Variants in CHD1 observed in about 807,000 individuals in gnomAD.
CHD1 encodes ATP-dependent chromatin remodeler CHD1.
CHD1 carries 36 observed loss-of-function variants against 224.2 expected under a neutral mutation model. The ratio of observed to expected loss-of-function variants is 0.16; its 90% CI spans 0.12 to 0.21. The LOEUF (loss-of-function observed/expected upper bound fraction) is 0.21, where lower values mean the gene tolerates loss of function less well. Ranked by LOEUF, CHD1 falls within the 10% of genes least tolerant of loss-of-function variation. The pLI, the probability that CHD1 is intolerant of heterozygous loss-of-function variation, is 1.00. For synonymous variants in CHD1, 668 were observed against 658.3 expected (o/e 1.01, Z -0.23); for missense variants, 1,378 against 1,994.8 (o/e 0.69, Z 5.89).
chr5:98,901,014 T>A lies in CHD1; in HGVS notation c.656A>T (p.Asp219Val). ...KKRQIDSSEE[D>V]DDEEDYDNDK... ...ATTATCATAATCTTCTTCATCATCA[T>A]CCTCCTCAGATGAATCAATCTGTCT... The change falls in exon 7 of 36, where the codon GAT (aspartate) becomes GTT (valine). Residue 219 changes from aspartate (D) to valine (V), a missense_variant. This residue lies in a region of CHD1 where 306 missense variants were observed against 298.1 expected (regional missense o/e 1.03). Transcript: ENST00000614616. 3 of 1,613,644 alleles carry A rather than the reference T, an allele frequency of 1.9e-6. No homozygotes were observed. The highest frequency in any genetic ancestry group is 2.5e-6 in the Non-Finnish European group (3 of 1,179,702).
At chr5:98,867,803 T>TTG (rs1012394365) in intron 31 of CHD1, among the ~76,000 whole-genome samples, 15 of 146,612 alleles carry the variant, frequency 1.0e-4, no homozygotes, top group African/African-American at 3.8e-4. Flanking sequence ...TTGTTTTTTT[T>TTG]TTTTTTTTTT....
intron 35 of CHD1, 93 bp from the exon 36 acceptor site, chr5:98,856,818 A>G (rs1748068859): frequency 1.2e-6 from 1 of 825,500 alleles, no homozygotes; most frequent in Non-Finnish European, 1.9e-6. Context: ...ATACCTTAAA[A>G]CATGTTTTTA....
chr5:98,912,017 A>G (rs1752455474), intron 2 of CHD1, among the ~76,000 whole-genome samples: 1 of 152,142 alleles, frequency 6.6e-6, no homozygotes, highest in Admixed American at 6.5e-5. Context: ...TACTTTTTTT[A>G]TTCTAAAATA....
At chr5:98,871,692 G>A (rs191906022) in intron 28 of CHD1, among the ~76,000 whole-genome samples, 146 of 152,046 alleles carry the variant, frequency 9.6e-4, no homozygotes, top group African/African-American at 3.2e-3. Flanking sequence ...TACCCTGATT[G>A]CATCTTTATA....
chr5:98,897,551 G>A (rs1461227427), intron 10 of CHD1, among the ~76,000 whole-genome samples: 3 of 152,002 alleles, frequency 2.0e-5, no homozygotes, highest in Non-Finnish European at 4.4e-5. Flanking sequence ...AATGTATAGA[G>A]AAAATTAACT....
At chr5:98,866,195 G>C (rs568670580) in intron 31 of CHD1, among the ~76,000 whole-genome samples, 1 of 148,564 alleles carries the variant, frequency 6.7e-6, no homozygotes, top group Admixed American at 6.7e-5. Context: ...AACCTGCAGA[G>C]GAGATAAAAA....
chr5:98,926,812 A>G (rs968473775), intron 1 of CHD1, among the ~76,000 whole-genome samples: 2 of 151,956 alleles, frequency 1.3e-5, no homozygotes, highest in Non-Finnish European at 2.9e-5. Flanking sequence ...TGCAACTAAC[A>G]ATGTTTTTAT....
chr5:98,928,013 T>C (rs1753595341), intron 1 of CHD1, among the ~76,000 whole-genome samples: 1 of 152,068 alleles, frequency 6.6e-6, no homozygotes, highest in East Asian at 1.9e-4. Context: ...TCGAAAGAGG[T>C]TTGGAAACCA....
chr5:98,877,617 T>C (rs1170463156), intron 23 of CHD1, among the ~76,000 whole-genome samples: 2 of 152,218 alleles, frequency 1.3e-5, no homozygotes, highest in Non-Finnish European at 2.9e-5. Flanking sequence ...CCTTGGCACA[T>C]ATTCCGAACC....
chr5:98,887,601 TAGA>T (rs1471509826), intron 17 of CHD1, among the ~76,000 whole-genome samples: 5 of 152,152 alleles, frequency 3.3e-5, no homozygotes, highest in African/African-American at 1.2e-4. Flanking sequence ...AAATTTTGAA[TAGA>T]TGGAAGGGAA....
Position 98,894,593 on chromosome 5 carries a change from A to G in CHD1, c.1800+4T>C. ...ACCAAAACACGTGAGAAATAAATACATACCTTATCTTTTAATAAAATTTCA... is the reference window on the plus strand; with the variant it reads ...ACCAAAACACGTGAGAAATAAATACGTACCTTATCTTTTAATAAAATTTCA... On this transcript the variant is annotated splice_donor_region_variant and intron_variant, in intron 13 of 35. Coordinates refer to ENST00000614616, the MANE Select transcript of CHD1 (RefSeq NM_001270.4). 1 of 1,162,780 alleles carries G rather than the reference A, an allele frequency of 8.6e-7. No homozygotes were observed. The highest frequency in any genetic ancestry group is 1.4e-5 in the South Asian group (1 of 69,882). The allele number at this position is 1,162,780 out of a possible 1,614,324, so 72.0% of individuals were successfully genotyped here.
chr5:98,889,088 C>T lies in CHD1; in HGVS notation c.2331G>A (p.Gln777=), dbSNP rs768304156. 3 of 1,579,810 alleles carry T rather than the reference C, an allele frequency of 1.9e-6. No homozygotes were observed. Among genetic ancestry groups the T allele is most frequent in the East Asian group, 2.2e-5 (1 of 44,624 alleles). ...PPDNNEFYNK[Q]EALQHLIRSS... ...TAAAAATTCTTACTTGTAAGGCCTC[C>T]TGTTTATTATAGAATTCATTATTAT... Residue 777 remains glutamine (Q), a synonymous_variant, in exon 16 of 36, where the codon CAG becomes CAA. Coordinates refer to ENST00000614616, the MANE Select transcript of CHD1 (RefSeq NM_001270.4).
chr5:98,895,690 T>A (rs1288048790), intron 12 of CHD1, among the ~76,000 whole-genome samples: 1 of 148,080 alleles, frequency 6.8e-6, no homozygotes, highest in Non-Finnish European at 1.5e-5. Context: ...GAGGTGGAGG[T>A]TGCAATGAGC....
chr5:98,875,986 G>T (rs1051057345), intron 24 of CHD1, among the ~76,000 whole-genome samples: 2 of 151,696 alleles, frequency 1.3e-5, no homozygotes, highest in African/African-American at 4.8e-5. Flanking sequence ...CTTTTAACAG[G>T]GTTACTTTCA....
At chr5:98,897,083 A>T in intron 11 of CHD1, 110 bp downstream of exon 11, 1 of 1,016,580 alleles carries the variant, frequency 9.8e-7, no homozygotes. Flanking sequence ...AGACTAGCAT[A>T]TAAACTGCCA....
In CHD1 at chr5:98,903,885, A is replaced by G; in HGVS notation, c.279T>C (p.Ile93=). The G allele has an allele frequency of 6.2e-7, 1 of 1,608,324 alleles. No individual in the cohort carries two copies. ...GAEFWKSSPS[I]LAVQRSAILK... ...GGATTGCAGATCTCTGAACGGCCAG[A>G]ATACTAGGACTAGATTTCCAAAACT... The change falls in exon 4 of 36, where the codon ATT becomes ATC. Residue 93 remains isoleucine, a synonymous_variant. Coordinates refer to ENST00000614616, the MANE Select transcript of CHD1 (RefSeq NM_001270.4).
rs933246751 is a variant in CHD1 at position 98,928,525 on chromosome 5, GC to G, written c.-149+13del. ...TCCGCCACATCCTGACCCGCCCGCC[GC>G]CCCCTTTCTTACCGGCGGGCTTGGC... On this transcript the variant is annotated intron_variant, in intron 1 of 35. Transcript: ENST00000614616. 7.2e-5 allele frequency: 11 copies of G among 152,086 alleles called. No individual in the cohort carries two copies. Among genetic ancestry groups the G allele is most frequent in the Admixed American group, 2.6e-4 (4 of 15,292 alleles). The allele number at this position is 152,086 out of a possible 1,614,324, so 9.4% of individuals were successfully genotyped here.
intron 12 of CHD1, among the ~76,000 whole-genome samples, chr5:98,895,541 T>C (rs975518310): frequency 1.3e-5 from 2 of 151,852 alleles, no homozygotes; most frequent in Non-Finnish European, 2.9e-5. Flanking sequence ...TCACTTGAGG[T>C]CAGGAGTTTG....
intron 2 of CHD1, among the ~76,000 whole-genome samples, chr5:98,912,012 T>A (rs555469240): frequency 6.6e-6 from 1 of 152,306 alleles, no homozygotes; most frequent in South Asian, 2.1e-4. Flanking sequence ...AAGAATACTT[T>A]TTTTATTCTA....
Sources: gnomAD v4.1 joint callset for allele counts (sites outside exome capture counted in the v4.1 genomes callset) on GRCh38, gnomAD v4.1.1 for gene constraint, gnomAD v4.1.1 regional missense constraint, MANE v1.5 for transcripts, NCBI Gene and HGNC (gene_info 2026-07-23, HGNC 2026-07-21) for gene names.